The following FBXL4 variants were observed in gnomAD, a reference collection of about 807,000 sequenced individuals.
FBXL4 encodes F-box and leucine rich repeat protein 4.
FBXL4 carries 40 observed loss-of-function variants against 58.9 expected under a neutral mutation model. The ratio of observed to expected loss-of-function variants is 0.68; its 90% CI spans 0.53 to 0.88. The LOEUF (loss-of-function observed/expected upper bound fraction) is 0.88. Among genes scored for constraint, FBXL4 ranks in the 40% least tolerant of loss-of-function variants. The pLI is 0.00. For synonymous variants in FBXL4, 263 were observed against 265.5 expected (o/e 0.99, Z 0.09); for missense variants, 676 against 734.4 (o/e 0.92, Z 0.92).
At chr6:98,877,037 T>G (rs899605589) in intron 8 of FBXL4, among the ~76,000 whole-genome samples, 5 of 152,164 alleles carry the variant, frequency 3.3e-5, no homozygotes, top group African/African-American at 4.8e-5. Context: ...TGAAGAGGTC[T>G]GCAACAGTGT....
At chr6:98,946,564 A>T (rs555228195) in intron 1 of FBXL4, among the ~76,000 whole-genome samples, 2 of 152,230 alleles carry the variant, frequency 1.3e-5, no homozygotes, top group Non-Finnish European at 2.9e-5. Context: ...ACCATTGTAC[A>T]GAGTACTATA....
Position 98,870,705 on chromosome 6 carries a change from T to A in FBXL4, c.*3573A>T, listed in dbSNP as rs1290085010. ...CTTGAAGTGACATTTTTAAGGCACA[T>A]TAGTATATGAATTTTTAAAAATCAG... is the stretch of plus-strand genomic sequence containing the variant. On this transcript the variant is annotated 3_prime_UTR_variant, in exon 10 of 10. Transcript: ENST00000369244. 6.6e-6 allele frequency: 1 copy of A among 152,168 alleles called. No homozygotes were observed. Among genetic ancestry groups the A allele is most frequent in the Non-Finnish European group, 1.5e-5 (1 of 68,026 alleles). 9.4% of individuals were successfully genotyped at this position (152,168 alleles called of 1,614,324 possible).
intron 8 of FBXL4, among the ~76,000 whole-genome samples, chr6:98,877,765 G>A (rs529290027): frequency 2.6e-5 from 4 of 152,264 alleles, no homozygotes; most frequent in African/African-American, 9.6e-5. Flanking sequence ...TAGCAGGTAG[G>A]TCTTAGGATT....
At chr6:98,935,342 C>A (rs1389742006) in intron 1 of FBXL4, among the ~76,000 whole-genome samples, 1 of 150,892 alleles carries the variant, frequency 6.6e-6, no homozygotes, top group African/African-American at 2.4e-5. Flanking sequence ...ATCTGGAAAC[C>A]CTCTTCCTGC....
chr6:98,909,495 A>C (rs1771947584), intron 5 of FBXL4, among the ~76,000 whole-genome samples: 3 of 152,150 alleles, frequency 2.0e-5, no homozygotes, highest in Admixed American at 2.0e-4. Flanking sequence ...CTTTGCCTCA[A>C]GTGTCTTCTG....
rs1292184166 is a variant in FBXL4 at position 98,873,140 on chromosome 6, G to A, written c.*1138C>T. ...GTAGTATAACAAAATTCATTGTCCTGTTAAGTGCAAAATCGTTATATTCCA... is the reference window on the plus strand; with the variant it reads ...GTAGTATAACAAAATTCATTGTCCTATTAAGTGCAAAATCGTTATATTCCA... On this transcript the variant is annotated 3_prime_UTR_variant, in exon 10 of 10. Coordinates refer to ENST00000369244, the MANE Select transcript of FBXL4 (RefSeq NM_001278716.2). 3 of 150,762 alleles carry A rather than the reference G, an allele frequency of 2.0e-5. No individual in the cohort carries two copies. The highest frequency in any genetic ancestry group is 7.3e-5 in the African/African-American group (3 of 41,176). The allele number at this position is 150,762 out of a possible 1,614,324, so 9.3% of individuals were successfully genotyped here. A position where few individuals can be genotyped will look rare whatever the true frequency, so the allele number is the denominator to read the frequency against.
At chr6:98,935,795 CAAA>C (rs372124984) in intron 1 of FBXL4, among the ~76,000 whole-genome samples, 1 of 117,670 alleles carries the variant, frequency 8.5e-6, no homozygotes. Context: ...GACTCCGTCT[CAAA>C]AAAAAAAAAA....
chr6:98,889,994 T>C (rs1436537509), intron 7 of FBXL4, among the ~76,000 whole-genome samples: 1 of 152,184 alleles, frequency 6.6e-6, no homozygotes, highest in Non-Finnish European at 1.5e-5. Context: ...AATATAACTT[T>C]TAGATAGTCC....
chr6:98,916,641 G>A (rs529057439), intron 5 of FBXL4, among the ~76,000 whole-genome samples: 1 of 152,088 alleles, frequency 6.6e-6, no homozygotes, highest in Non-Finnish European at 1.5e-5. Context: ...ACACAGGAAG[G>A]GGAACATCAC....
chr6:98,916,657 G>A (rs1772365106), intron 5 of FBXL4, among the ~76,000 whole-genome samples: 1 of 151,910 alleles, frequency 6.6e-6, no homozygotes, highest in Non-Finnish European at 1.5e-5. Context: ...ATCACGCTCT[G>A]GGGACTGTTG....
chr6:98,915,606 T>A (rs1692336909), intron 5 of FBXL4, among the ~76,000 whole-genome samples: 1 of 152,038 alleles, frequency 6.6e-6, no homozygotes, highest in Non-Finnish European at 1.5e-5. Flanking sequence ...CTGGGAAAAC[T>A]GGCTAGCCAT....
At chr6:98,909,176 T>G (rs1187123047) in intron 5 of FBXL4, among the ~76,000 whole-genome samples, 1 of 152,214 alleles carries the variant, frequency 6.6e-6, no homozygotes, top group Non-Finnish European at 1.5e-5. Flanking sequence ...TGACTCCCCT[T>G]GACTAATTTG....
At chr6:98,946,584 T>G (rs1030262497) in intron 1 of FBXL4, among the ~76,000 whole-genome samples, 1 of 152,326 alleles carries the variant, frequency 6.6e-6, no homozygotes, top group East Asian at 1.9e-4. Context: ...AATCGCATTA[T>G]TTCATCACGG....
At position 98,936,496 on chromosome 6, in the gene FBXL4, G is replaced by A. The variant is rs548835647; in HGVS notation, c.-308-1617C>T. Among the ~76,000 whole-genome samples, 50 of 152,296 alleles carry A rather than the reference G, an allele frequency of 3.3e-4. 1 individual carries two copies. The South Asian group carries it at 8.7e-3, about 26-fold the overall frequency. Reference sequence around the variant, plus strand: ...TTCTGTCTCTGCGATCTCTGAAACAGCAAGACTGACCCATCCTCTTCCTCC... The same window carrying A: ...TTCTGTCTCTGCGATCTCTGAAACAACAAGACTGACCCATCCTCTTCCTCC... On this transcript the variant is annotated intron_variant, in intron 1 of 9. Transcript: ENST00000369244.
intron 5 of FBXL4, among the ~76,000 whole-genome samples, chr6:98,909,365 C>G (rs758569389): frequency 6.6e-6 from 1 of 152,140 alleles, no homozygotes; most frequent in Non-Finnish European, 1.5e-5. Context: ...CCCTGAGCCT[C>G]CATCCAATTC....
intron 1 of FBXL4, among the ~76,000 whole-genome samples, chr6:98,946,154 G>A (rs1773612040): frequency 1.3e-5 from 2 of 152,126 alleles, no homozygotes; most frequent in African/African-American, 4.8e-5. Context: ...GAGCATCACA[G>A]AAGCCAGGAT....
rs1770634862 is a variant in FBXL4, at chr6:98,875,645, T to G, written c.1472A>C (p.Asn491Thr). The G allele has an allele frequency of 1.2e-6, 2 of 1,614,050 alleles. No individual in the cohort carries two copies. The highest frequency in any genetic ancestry group is 1.7e-6 in the Non-Finnish European group (2 of 1,180,020). Reference protein sequence around the residue: ...LRTLDLWRCKNITENGIAELA... With the variant: ...LRTLDLWRCKTITENGIAELA... ...TTCTGCTATTCCATTCTCAGTAATATTCTTACATCTCCACAGATCCAGGGT... is the reference window on the plus strand; with the variant it reads ...TTCTGCTATTCCATTCTCAGTAATAGTCTTACATCTCCACAGATCCAGGGT... The change falls in exon 9 of 10, where the codon AAT (asparagine) becomes ACT (threonine). Residue 491 changes from asparagine to threonine, a missense_variant. Transcript: ENST00000369244.
At chr6:98,904,906 ACCTGGG>A (rs1771741243) in intron 6 of FBXL4, among the ~76,000 whole-genome samples, 1 of 152,202 alleles carries the variant, frequency 6.6e-6, no homozygotes, top group African/African-American at 2.4e-5. Context: ...GAGCGGAAAC[ACCTGGG>A]CAGGTCTGCA....
chr6:98,894,362 T>G (rs971052917), intron 7 of FBXL4, among the ~76,000 whole-genome samples: 2 of 152,168 alleles, frequency 1.3e-5, no homozygotes, highest in Non-Finnish European at 2.9e-5. Flanking sequence ...TAGAAGAAAC[T>G]AAGCACAACT....
Sources: allele counts gnomAD v4.1 joint callset (sites outside exome capture counted in the v4.1 genomes callset), GRCh38; gene constraint gnomAD v4.1.1; transcripts MANE v1.5; gene names NCBI Gene and HGNC (gene_info 2026-07-23, HGNC 2026-07-21).